Variants in SYDE2 observed in about 807,000 individuals in gnomAD.
SYDE2 encodes rho GTPase-activating protein SYDE2.
Under a neutral mutation model 91.5 loss-of-function variants are expected in SYDE2, and 76 were observed. The observed-to-expected ratio is 0.83, with a 90% confidence interval of 0.69 to 1.01. SYDE2 has a LOEUF of 1.01. SYDE2 is among the 50% of genes least tolerant of loss of function. The pLI is 0.00. For missense variants in SYDE2, 1,364 were observed against 1,367.7 expected (o/e 1.00, Z 0.04); for synonymous variants, 513 against 506.4 (o/e 1.01, Z -0.18).
chr1:85,160,952 T>C, intron 6 of SYDE2: 2 of 979,674 alleles, frequency 2.0e-6, no homozygotes, highest in South Asian at 4.7e-5. Flanking sequence ...ATTAAACTGA[T>C]ATTTTATATC....
At chr1:85,200,153 G>T in intron 1 of SYDE2, 99 bp downstream of exon 1, 1 of 1,576,228 alleles carries the variant, frequency 6.3e-7, no homozygotes, top group Admixed American at 2.0e-5. Context: ...TAACGTACCT[G>T]TCGCAAAAAC....
At chr1:85,159,791 A>G in intron 6 of SYDE2, 1 of 921,676 alleles carries the variant, frequency 1.1e-6, no homozygotes, top group African/African-American at 1.8e-5. Flanking sequence ...CTTTGATAAA[A>G]TGTACAAATA....
At chr1:85,168,497 CCTT>C (rs1486834238) in intron 5 of SYDE2, among the ~76,000 whole-genome samples, 5 of 152,166 alleles carry the variant, frequency 3.3e-5, no homozygotes, top group Non-Finnish European at 7.3e-5. Flanking sequence ...ACCTACCTAT[CCTT>C]CTCTCTCTCT....
At chr1:85,181,017 A>G (rs1401078962) in intron 3 of SYDE2, 1 of 152,202 alleles carries the variant, frequency 6.6e-6, no homozygotes, top group Non-Finnish European at 1.5e-5. Context: ...CAAAGACAAC[A>G]CAAACTGGAG....
At chr1:85,175,271 G>A (rs1280068724) in intron 4 of SYDE2, among the ~76,000 whole-genome samples, 1 of 152,136 alleles carries the variant, frequency 6.6e-6, no homozygotes, top group Non-Finnish European at 1.5e-5. Context: ...AGGCTGAGAC[G>A]GGAGGATCTC....
intron 1 of SYDE2, among the ~76,000 whole-genome samples, chr1:85,191,772 A>T (rs928711141): frequency 1.3e-5 from 2 of 151,878 alleles, no homozygotes; most frequent in Non-Finnish European, 2.9e-5. Flanking sequence ...AAAAAAAAAA[A>T]AAATTAATAG....
intron 4 of SYDE2, among the ~76,000 whole-genome samples, chr1:85,171,964 A>G (rs1657520505): frequency 6.6e-6 from 1 of 152,144 alleles, no homozygotes; most frequent in Admixed American, 6.5e-5. Context: ...TTTTCTTTAA[A>G]AACAGGAGAC....
chr1:85,164,960 C>T (rs1221982301), intron 5 of SYDE2, among the ~76,000 whole-genome samples: 2 of 152,096 alleles, frequency 1.3e-5, no homozygotes, highest in Non-Finnish European at 2.9e-5. Flanking sequence ...TCCAGCCGGG[C>T]ACAGTGGCTC....
intron 1 of SYDE2, among the ~76,000 whole-genome samples, chr1:85,194,488 T>G (rs1658503776): frequency 6.8e-6 from 1 of 148,062 alleles, no homozygotes; most frequent in South Asian, 2.1e-4. Context: ...ATATTTCATA[T>G]ATAATATAAA....
rs1430705242 is a variant in SYDE2 at position 85,158,777 on chromosome 1, G to T, written c.3558C>A (p.Asn1186Lys). ...TLIGNLERELNKNKLNMSF is the reference protein window; with the variant it reads ...TLIGNLERELKKNKLNMSF Reference sequence around the variant, plus strand: ...AAAAACTCATATTAAGCTTGTTTTTGTTGAGCTCACGTTCCAGATTTCCAA... The same window carrying T: ...AAAAACTCATATTAAGCTTGTTTTTTTTGAGCTCACGTTCCAGATTTCCAA... Residue 1186 changes from asparagine (N) to lysine (K), a missense_variant, in exon 7 of 7, where the codon AAC becomes AAA. Physicochemically the swap from Asn to Lys is moderately conservative, Grantham distance 94. Transcript: ENST00000341460. 2.7e-6 allele frequency: 2 copies of T among 750,744 alleles called. No individual in the cohort carries two copies. The highest frequency in any genetic ancestry group is 4.9e-6 in the Non-Finnish European group (2 of 407,738). The allele number at this position is 750,744 out of a possible 1,614,324, so 46.5% of individuals were successfully genotyped here. A position where few individuals can be genotyped will look rare whatever the true frequency, so the allele number is the denominator to read the frequency against.
At chr1:85,171,802 A>C (rs1172393651) in intron 4 of SYDE2, among the ~76,000 whole-genome samples, 5 of 152,196 alleles carry the variant, frequency 3.3e-5, no homozygotes, top group Non-Finnish European at 5.9e-5. Flanking sequence ...AAGGACACTG[A>C]ACTCAAGTTG....
intron 4 of SYDE2, among the ~76,000 whole-genome samples, chr1:85,176,871 C>T (rs541863944): frequency 3.5e-4 from 53 of 152,176 alleles, no homozygotes; most frequent in African/African-American, 8.9e-4. Flanking sequence ...TCTCTACTTT[C>T]GCATATGCTT....
At chr1:85,162,110 T>C (rs1657084428) in intron 6 of SYDE2, among the ~76,000 whole-genome samples, 3 of 152,138 alleles carry the variant, frequency 2.0e-5, no homozygotes, top group South Asian at 4.1e-4. Context: ...GACAGGATTT[T>C]TCAAATATAA....
intron 2 of SYDE2, among the ~76,000 whole-genome samples, chr1:85,184,872 C>A (rs1225725726): frequency 1.4e-5 from 2 of 145,156 alleles, no homozygotes; most frequent in Admixed American, 6.7e-5. Context: ...CACAGAGATA[C>A]CCCGTCTTAA....
intron 1 of SYDE2, among the ~76,000 whole-genome samples, chr1:85,192,914 A>T (rs765975477): frequency 3.2e-4 from 48 of 152,348 alleles, no homozygotes; most frequent in Non-Finnish European, 1.2e-4. Context: ...TATTCATCCC[A>T]ATTTATCTTA....
Position 85,187,017 on chromosome 1 carries a change from G to A in SYDE2, c.1441+3040C>T, listed in dbSNP as rs1464751104. ...AACAAAAGCCAAAATTGACAAATGGGATCTAATTAAACTCAAGAGCTTCTG... is the reference window on the plus strand; with the variant it reads ...AACAAAAGCCAAAATTGACAAATGGAATCTAATTAAACTCAAGAGCTTCTG... On this transcript the variant is annotated intron_variant, in intron 2 of 6. Coordinates refer to ENST00000341460, the MANE Select transcript of SYDE2 (RefSeq NM_032184.2). Among the ~76,000 whole-genome samples, 42 of 151,710 alleles carry A rather than the reference G, an allele frequency of 2.8e-4. 1 individual carries two copies. Among genetic ancestry groups the A allele is most frequent in the Admixed American group, 2.8e-3 (42 of 15,250 alleles).
At position 85,182,845 on chromosome 1, in the gene SYDE2, G is replaced by A. The variant is rs1458196697; in HGVS notation, c.1797C>T (p.Ser599=). Residue 599 remains serine, a synonymous_variant, in exon 3 of 7, where the codon TCC becomes TCT. Transcript: ENST00000341460. ...ISRYHLDTSV[S]SQQSYQKKNS... ...TTTTCTTCTGGTAGCTCTGCTGGGAGGATACACTGGTATCAAGATGGTATC... is the reference window on the plus strand; with the variant it reads ...TTTTCTTCTGGTAGCTCTGCTGGGAAGATACACTGGTATCAAGATGGTATC... The A allele has an allele frequency of 6.2e-7, 1 of 1,613,774 alleles. No individual in the cohort carries two copies. The highest frequency in any genetic ancestry group is 1.7e-4 in the Middle Eastern group (1 of 6,060).
At chr1:85,179,412 G>A (rs970953691) in intron 3 of SYDE2, among the ~76,000 whole-genome samples, 44 of 152,250 alleles carry the variant, frequency 2.9e-4, no homozygotes, top group African/African-American at 1.0e-3. Flanking sequence ...ATGAGAAAGT[G>A]TCAATAGATA....
chr1:85,163,691 C>A (rs568707936), intron 6 of SYDE2, among the ~76,000 whole-genome samples: 2 of 151,920 alleles, frequency 1.3e-5, no homozygotes, highest in South Asian at 2.1e-4. Context: ...CCAAACCTGA[C>A]CCCGGGGCCA....
Sources: allele counts gnomAD v4.1 joint callset (sites outside exome capture counted in the v4.1 genomes callset), GRCh38; gene constraint gnomAD v4.1.1; transcripts MANE v1.5; gene names NCBI Gene and HGNC (gene_info 2026-07-23, HGNC 2026-07-21).